KCNIP4: variants seen among roughly 807,000 people sequenced by gnomAD.
The protein encoded by KCNIP4 is Kv channel-interacting protein 4.
A neutral mutation model predicts 34.0 loss-of-function variants in KCNIP4; 12 were observed. That is an observed-to-expected ratio of 0.35 (90% CI 0.23 to 0.57). KCNIP4 has a LOEUF of 0.57. KCNIP4 is among the 20% of genes least tolerant of loss of function. KCNIP4 has a pLI of 0.83. For missense variants in KCNIP4, 238 were observed against 311.7 expected (o/e 0.76, Z 1.78); for synonymous variants, 124 against 102.2 (o/e 1.21, Z -1.29).
intron 1 of KCNIP4, among the ~76,000 whole-genome samples, chr4:21,871,932 A>C (rs956588872): frequency 6.6e-6 from 1 of 151,698 alleles, no homozygotes; most frequent in East Asian, 1.9e-4. Flanking sequence ...GCAAAACCAC[A>C]CTGCAGTTTT....
At chr4:21,671,692 G>A (rs1212916963) in intron 1 of KCNIP4, among the ~76,000 whole-genome samples, 1 of 152,190 alleles carries the variant, frequency 6.6e-6, no homozygotes, top group African/African-American at 2.4e-5. Flanking sequence ...CTCAGACTCA[G>A]GGGTATTAGG....
intron 3 of KCNIP4, among the ~76,000 whole-genome samples, chr4:20,776,548 T>A (rs993901612): frequency 1.3e-5 from 2 of 152,194 alleles, no homozygotes; most frequent in Non-Finnish European, 2.9e-5. Context: ...AAATAGATGA[T>A]TTTCTGAAAG....
Position 21,620,205 on chromosome 4 carries a change from G to GT in KCNIP4, c.61+328365dup, listed in dbSNP as rs559235917. On this transcript the variant is annotated intron_variant, in intron 1 of 8. Coordinates refer to ENST00000382152, the MANE Select transcript of KCNIP4 (RefSeq NM_025221.6). ...AAGATCAAAAGAGTAGAAACCATAA[G>GT]TAAAGAAAGAATTGTGGCCAGGCGT... Among the ~76,000 whole-genome samples, 461 of 152,148 alleles carry GT rather than the reference G, an allele frequency of 3.0e-3. 3 individuals are homozygous for GT. The highest frequency in any genetic ancestry group is 0.011 in the African/African-American group (443 of 41,550).
intron 2 of KCNIP4, among the ~76,000 whole-genome samples, chr4:20,863,001 GA>G (rs1219214328): frequency 6.6e-6 from 1 of 152,076 alleles, no homozygotes; most frequent in Non-Finnish European, 1.5e-5. Flanking sequence ...AGAGGATTAG[GA>G]AAAATAACTA....
chr4:21,719,956 T>C (rs1474857102), intron 1 of KCNIP4, among the ~76,000 whole-genome samples: 1 of 80,672 alleles, frequency 1.2e-5, no homozygotes, highest in African/African-American at 6.7e-5. Flanking sequence ...AGAGTGAAGC[T>C]CCATCTCAAA....
intron 1 of KCNIP4, among the ~76,000 whole-genome samples, chr4:21,089,960 G>A (rs1369628600): frequency 6.6e-6 from 1 of 152,110 alleles, no homozygotes; most frequent in East Asian, 1.9e-4. Flanking sequence ...CCTAAAATAT[G>A]CCAGCTTCTT....
At chr4:20,900,240 A>G (rs560549913) in intron 1 of KCNIP4, among the ~76,000 whole-genome samples, 6 of 152,190 alleles carry the variant, frequency 3.9e-5, no homozygotes, top group Admixed American at 1.3e-4. Flanking sequence ...TGCTATAACT[A>G]AACATTGAAA....
At chr4:20,885,393 G>T (rs760843417) in intron 1 of KCNIP4, among the ~76,000 whole-genome samples, 9 of 151,962 alleles carry the variant, frequency 5.9e-5, no homozygotes, top group Non-Finnish European at 1.0e-4. Flanking sequence ...ACAATGAATG[G>T]CTTCGCCCAG....
At chr4:21,172,834 G>A (rs1037606900) in intron 1 of KCNIP4, among the ~76,000 whole-genome samples, 3 of 152,158 alleles carry the variant, frequency 2.0e-5, no homozygotes, top group Admixed American at 2.0e-4. Context: ...GTATCATACA[G>A]ACCCCACTCC....
chr4:21,608,338 C>T (rs1009897147), intron 1 of KCNIP4, among the ~76,000 whole-genome samples: 3 of 152,164 alleles, frequency 2.0e-5, no homozygotes, highest in Non-Finnish European at 4.4e-5. Flanking sequence ...AGAGGAATGT[C>T]TCTGTTCTTG....
chr4:20,796,245 G>C (rs1009232774), intron 3 of KCNIP4, among the ~76,000 whole-genome samples: 4 of 152,102 alleles, frequency 2.6e-5, no homozygotes, highest in Admixed American at 2.6e-4. Flanking sequence ...GAATCTCTTA[G>C]TGGCCAATCA....
At chr4:21,432,438 T>C (rs1726575634) in intron 1 of KCNIP4, among the ~76,000 whole-genome samples, 2 of 151,994 alleles carry the variant, frequency 1.3e-5, no homozygotes, top group South Asian at 2.1e-4. Flanking sequence ...TCTACTTATA[T>C]TGATTTTGGG....
At chr4:21,312,542 C>T (rs1401890709) in intron 1 of KCNIP4, among the ~76,000 whole-genome samples, 1 of 152,196 alleles carries the variant, frequency 6.6e-6, no homozygotes, top group Admixed American at 6.5e-5. Flanking sequence ...ACACCTTTTA[C>T]AAACTTGACA....
chr4:21,444,832 A>G (rs1439046831), intron 1 of KCNIP4, among the ~76,000 whole-genome samples: 1 of 152,218 alleles, frequency 6.6e-6, no homozygotes, highest in Non-Finnish European at 1.5e-5. Context: ...GAGGAAGTCA[A>G]CTTGTCCCTG....
intron 2 of KCNIP4, among the ~76,000 whole-genome samples, chr4:20,862,748 G>A (rs544517307): frequency 5.9e-5 from 9 of 152,146 alleles, no homozygotes; most frequent in African/African-American, 2.2e-4. Flanking sequence ...ACTGGATAAA[G>A]AAAACATGGT....
chr4:21,132,441 T>C (rs1445308768), intron 1 of KCNIP4, among the ~76,000 whole-genome samples: 1 of 152,212 alleles, frequency 6.6e-6, no homozygotes, highest in Admixed American at 6.5e-5. Context: ...TTCTCATCTG[T>C]AGAGCATTGG....
chr4:21,757,169 AGG>A (rs1560691302), intron 1 of KCNIP4, among the ~76,000 whole-genome samples: 354 of 34,616 alleles, frequency 0.01, 4 homozygotes, highest in Middle Eastern at 0.026. Context: ...GAAAGAAAGA[AGG>A]AAGGAAGGAA....
At chr4:21,233,458 T>G (rs561588847) in intron 1 of KCNIP4, among the ~76,000 whole-genome samples, 1 of 151,910 alleles carries the variant, frequency 6.6e-6, no homozygotes, top group Non-Finnish European at 1.5e-5. Context: ...TTGGGGGAGA[T>G]TTCTGAGTAT....
intron 1 of KCNIP4, among the ~76,000 whole-genome samples, chr4:21,016,517 G>A (rs774971275): frequency 1.3e-4 from 19 of 151,978 alleles, no homozygotes; most frequent in Non-Finnish European, 2.4e-4. Context: ...GGATGGTCTC[G>A]ATCTCCTGAC....
Sources: gnomAD v4.1 joint callset for allele counts (sites outside exome capture counted in the v4.1 genomes callset) on GRCh38, gnomAD v4.1.1 for gene constraint, MANE v1.5 for transcripts, NCBI Gene and HGNC (gene_info 2026-07-23, HGNC 2026-07-21) for gene names.